PTPRQ: variants seen among roughly 807,000 people sequenced by gnomAD.
The protein encoded by PTPRQ is protein tyrosine phosphatase receptor type Q.
PTPRQ carries 199 observed loss-of-function variants against 246.0 expected under a neutral mutation model. That is an observed-to-expected ratio of 0.81 (90% CI 0.72 to 0.91). The LOEUF is 0.91. PTPRQ is among the 40% of genes least tolerant of loss of function. The probability of loss-of-function intolerance (pLI) is 0.00; values close to 1 mark genes in which losing one functional copy is unlikely to be tolerated. For missense variants in PTPRQ, 2,624 were observed against 2,528.4 expected, an observed-to-expected ratio of 1.04 and a Z score of -0.81; for synonymous variants, 869 against 853.2, an observed-to-expected ratio of 1.02 and a Z score of -0.32.
At chr12:80,514,621 C>CA (rs1164385422) in intron 17 of PTPRQ, among the ~76,000 whole-genome samples, 5 of 29,464 alleles carry the variant, frequency 1.7e-4, no homozygotes, top group African/African-American at 2.2e-4. Flanking sequence ...ATATATTATA[C>CA]AAATTTTTAA....
chr12:80,522,992 G>A (rs994220537), intron 17 of PTPRQ, among the ~76,000 whole-genome samples: 4 of 151,970 alleles, frequency 2.6e-5, no homozygotes, highest in Non-Finnish European at 4.4e-5. Flanking sequence ...TTTTCTGGTC[G>A]TGGACTTTTT....
intron 25 of PTPRQ, among the ~76,000 whole-genome samples, chr12:80,579,331 T>G (rs774892210): frequency 2.0e-5 from 3 of 152,194 alleles, no homozygotes; most frequent in Non-Finnish European, 4.4e-5. Flanking sequence ...CACTTTTTTC[T>G]TATGACTGCC....
intron 25 of PTPRQ, among the ~76,000 whole-genome samples, chr12:80,570,467 T>C (rs1181793650): frequency 6.6e-6 from 1 of 152,226 alleles, no homozygotes; most frequent in Non-Finnish European, 1.5e-5. Context: ...AAGTTCCTTA[T>C]AGATTCTGGG....
chr12:80,658,021 G>C lies in PTPRQ; in HGVS notation c.6152G>C (p.Ser2051Thr). 1 of 1,441,696 alleles carries C rather than the reference G, an allele frequency of 6.9e-7. No homozygotes were observed. The highest frequency in any genetic ancestry group is 9.1e-7 in the Non-Finnish European group (1 of 1,094,780). 89.3% of individuals were successfully genotyped at this position (1,441,696 alleles called of 1,614,324 possible). A position where few individuals can be genotyped will look rare whatever the true frequency, so the allele number is the denominator to read the frequency against. Residue 2051 changes from serine (S) to threonine (T), a missense_variant, in exon 39 of 45, where the codon AGT becomes ACT. By Grantham distance (58) the Ser-to-Thr change is moderately conservative. Coordinates refer to ENST00000644991, the MANE Select transcript of PTPRQ (RefSeq NM_001145026.2). ...NNRVKLIADASVPGSDYINAS... is the reference protein window; with the variant it reads ...NNRVKLIADATVPGSDYINAS... ...AGAGTAAAGCTGATAGCTGACGCTA[G>C]TGTTCCAGGTTCGGATTATATTAAT... is the stretch of plus-strand genomic sequence containing the variant.
intron 33 of PTPRQ, among the ~76,000 whole-genome samples, chr12:80,629,614 T>C (rs1899345438): frequency 6.6e-6 from 1 of 151,574 alleles, no homozygotes; most frequent in East Asian, 1.9e-4. Context: ...AGACAGTTAA[T>C]GAGGGACCAG....
In PTPRQ at chr12:80,673,149, G is replaced by A; in HGVS notation, c.6603-20G>A. Reference sequence around the variant, plus strand: ...CAACCCTTTGCTGAATAATTTTCATGTAATTTACCCTTCCTGTAGTGCTGG... The same window carrying A: ...CAACCCTTTGCTGAATAATTTTCATATAATTTACCCTTCCTGTAGTGCTGG... On this transcript the variant is annotated intron_variant, in intron 42 of 44. Transcript: ENST00000644991. The A allele has an allele frequency of 1.2e-5, 19 of 1,548,794 alleles. No homozygotes were observed. Among genetic ancestry groups the A allele is most frequent in the Non-Finnish European group, 1.6e-5 (18 of 1,145,248 alleles).
chr12:80,469,632 G>A (rs1393950283), intron 7 of PTPRQ, among the ~76,000 whole-genome samples: 1 of 152,056 alleles, frequency 6.6e-6, no homozygotes, highest in African/African-American at 2.4e-5. Context: ...AATTTCTGTG[G>A]TATGAATCAC....
intron 8 of PTPRQ, among the ~76,000 whole-genome samples, chr12:80,481,463 A>G (rs1894053637): frequency 6.6e-6 from 1 of 152,202 alleles, no homozygotes; most frequent in African/African-American, 2.4e-5. Context: ...GAAAACTGGC[A>G]CAAGACAGGG....
intron 42 of PTPRQ, among the ~76,000 whole-genome samples, chr12:80,670,947 G>A (rs1195377349): frequency 2.0e-5 from 3 of 151,890 alleles, no homozygotes. Context: ...CATGTAAAAT[G>A]GTCAAAATGG....
At chr12:80,635,900 T>A (rs1407184895) in intron 35 of PTPRQ, among the ~76,000 whole-genome samples, 2 of 152,166 alleles carry the variant, frequency 1.3e-5, no homozygotes, top group Non-Finnish European at 2.9e-5. Flanking sequence ...ATTAAAAAAA[T>A]TATTATTAAT....
chr12:80,622,019 CAT>C (rs1335975846), intron 32 of PTPRQ, 40 bp from the exon 33 acceptor site: 2 of 1,186,214 alleles, frequency 1.7e-6, no homozygotes, highest in Non-Finnish European at 2.3e-6. Context: ...GGAAAAATCA[CAT>C]GATATGCAAA....
In PTPRQ at chr12:80,616,338, T is replaced by G. The variant is rs147313700; in HGVS notation, c.5230+72T>G. 1.2e-3 allele frequency: 1,681 copies of G among 1,388,500 alleles called. 25 individuals are homozygous for G. In the African/African-American group the frequency reaches 0.022, roughly 18 times the overall value. 86.0% of individuals were successfully genotyped at this position (1,388,500 alleles called of 1,614,324 possible). Reference sequence around the variant, plus strand: ...TATAATTTAAATTCCATACTTGAAATAAGGATGTAGACAAGCCTTTAAGTG... The same window carrying G: ...TATAATTTAAATTCCATACTTGAAAGAAGGATGTAGACAAGCCTTTAAGTG... On this transcript the variant is annotated intron_variant, in intron 30 of 44. Coordinates refer to ENST00000644991, the MANE Select transcript of PTPRQ (RefSeq NM_001145026.2).
intron 25 of PTPRQ, among the ~76,000 whole-genome samples, chr12:80,559,725 T>C (rs964734301): frequency 3.9e-5 from 6 of 152,230 alleles, no homozygotes; most frequent in Non-Finnish European, 7.3e-5. Context: ...GGTATAGATA[T>C]ACATTTGAAT....
At position 80,522,873 on chromosome 12, in the gene PTPRQ, A is replaced by C. The variant is rs1281186887; in HGVS notation, c.2679-11142A>C. Among the ~76,000 whole-genome samples the C allele has an allele frequency of 3.9e-5, 6 of 152,178 alleles. No homozygotes were observed. The South Asian group carries it at 1.0e-3, about 26-fold the overall frequency. ...GCTTTGGTATCAGGATGATGCTGGCATCATAAAATGAGTTAGGGAGGATTC... is the reference window on the plus strand; with the variant it reads ...GCTTTGGTATCAGGATGATGCTGGCCTCATAAAATGAGTTAGGGAGGATTC... On this transcript the variant is annotated intron_variant, in intron 17 of 44. Coordinates refer to ENST00000644991, the MANE Select transcript of PTPRQ (RefSeq NM_001145026.2).
intron 35 of PTPRQ, among the ~76,000 whole-genome samples, chr12:80,645,282 GGCTTTT>G (rs1404984988): frequency 2.6e-5 from 4 of 151,884 alleles, no homozygotes; most frequent in Non-Finnish European, 4.4e-5. Flanking sequence ...TATCTGCTAT[GGCTTTT>G]GCTTAGACTC....
At chr12:80,581,637 G>GA (rs556674247) in intron 25 of PTPRQ, among the ~76,000 whole-genome samples, 10 of 148,148 alleles carry the variant, frequency 6.8e-5, no homozygotes, top group Non-Finnish European at 1.3e-4. Context: ...TCTGTCTCAA[G>GA]AAAAAAAAAG....
At chr12:80,483,219 C>T (rs1894137305) in intron 8 of PTPRQ, among the ~76,000 whole-genome samples, 2 of 129,734 alleles carry the variant, frequency 1.5e-5, no homozygotes, top group African/African-American at 6.0e-5. Flanking sequence ...AGTTCATGTC[C>T]TTTGTAGGGA....
chr12:80,551,352 C>G (rs774260951), intron 25 of PTPRQ, among the ~76,000 whole-genome samples: 4 of 152,098 alleles, frequency 2.6e-5, no homozygotes, highest in Non-Finnish European at 5.9e-5. Flanking sequence ...CATCAGGGCT[C>G]TGCAATTTGC....
chr12:80,466,903 C>A (rs1346274464), intron 6 of PTPRQ, among the ~76,000 whole-genome samples: 1 of 152,002 alleles, frequency 6.6e-6, no homozygotes, highest in Non-Finnish European at 1.5e-5. Context: ...CCATAAAAAC[C>A]CTAGAAGTAA....
Sources: gnomAD v4.1 joint callset for allele counts (sites outside exome capture counted in the v4.1 genomes callset) on GRCh38, gnomAD v4.1.1 for gene constraint, MANE v1.5 for transcripts, NCBI Gene and HGNC (gene_info 2026-07-23, HGNC 2026-07-21) for gene names.